Variants in SLC23A1 observed in about 807,000 individuals in gnomAD.
SLC23A1 encodes the protein Na(+)/L-ascorbic acid transporter 1.
In SLC23A1, 31 loss-of-function variants were observed where a neutral mutation model predicts 62.5. The observed-to-expected ratio is 0.50, with a 90% CI of 0.37 to 0.67. The LOEUF (loss-of-function observed/expected upper bound fraction) is 0.67. Ranked by LOEUF, SLC23A1 falls within the 30% of genes least tolerant of loss-of-function variation. The pLI is 0.00. For missense variants in SLC23A1, 640 were observed against 782.7 expected (o/e 0.82, Z 2.18); for synonymous variants, 271 against 313.2 (o/e 0.87, Z 1.42).
At chr5:139,370,470 C>CTTTCTTTA (rs377563397) in intron 14 of SLC23A1, among the ~76,000 whole-genome samples, 2 of 140,200 alleles carry the variant, frequency 1.4e-5, no homozygotes, top group Non-Finnish European at 3.1e-5. Flanking sequence ...CGCACCCAGC[C>CTTTCTTTA]TTTATTTATT....
At chr5:139,376,239 G>C (rs527692754) in intron 13 of SLC23A1, among the ~76,000 whole-genome samples, 2 of 145,692 alleles carry the variant, frequency 1.4e-5, no homozygotes. Flanking sequence ...GCACGATCTC[G>C]GCCCACCGCA....
In SLC23A1 at chr5:139,379,252, G is replaced by T. The variant is rs369048153; in HGVS notation, c.1028C>A (p.Ala343Asp). 2 of 1,614,040 alleles carry T rather than the reference G, an allele frequency of 1.2e-6. No individual in the cohort carries two copies. Among genetic ancestry groups the T allele is most frequent in the Non-Finnish European group, 1.7e-6 (2 of 1,180,010 alleles). Residue 343 changes from alanine (A) to aspartate (D), a missense_variant, in exon 9 of 15, where the codon GCC becomes GAC. By Grantham distance (126) the Ala-to-Asp change is moderately radical. Coordinates refer to ENST00000348729, the MANE Select transcript of SLC23A1 (RefSeq NM_005847.5). The surrounding 1 kb of genome is among the most constrained non-coding windows in gnomAD (Gnocchi z 4.7). Reference protein sequence around the residue: ...IESIGDYYACARLAGAPPPPV... With the variant: ...IESIGDYYACDRLAGAPPPPV... Reference sequence around the variant, plus strand: ...AGGGGGTGGTGCACCAGCCAGGCGGGCACAGGCGTAGTAATCTCCGATGGA... The same window carrying T: ...AGGGGGTGGTGCACCAGCCAGGCGGTCACAGGCGTAGTAATCTCCGATGGA...
At chr5:139,373,906 A>G (rs931991200) in intron 13 of SLC23A1, among the ~76,000 whole-genome samples, 19 of 152,154 alleles carry the variant, frequency 1.2e-4, no homozygotes, top group African/African-American at 3.6e-4. Flanking sequence ...CAAGACACAC[A>G]TGGCAGCCAG....
chr5:139,381,948 G>A lies in SLC23A1; in HGVS notation c.252C>T (p.Gly84=). 1 of 1,587,854 alleles carries A rather than the reference G, an allele frequency of 6.3e-7. No individual in the cohort carries two copies. The highest frequency in any genetic ancestry group is 8.6e-7 in the Non-Finnish European group (1 of 1,167,818). Residue 84 remains glycine, a synonymous_variant, in exon 3 of 15, where the codon GGC becomes GGT. Transcript: ENST00000348729. ...HDQHMVSQLI[G]TIFTCVGITT... is the part of the protein sequence containing the mutation. Reference sequence around the variant, plus strand: ...TGATGCCCACGCACGTGAAGATGGTGCCGATGAGCTGACTAACCATGTGCT... The same window carrying A: ...TGATGCCCACGCACGTGAAGATGGTACCGATGAGCTGACTAACCATGTGCT...
At chr5:139,384,763 T>G, upstream of SLC23A1, 1 of 985,218 alleles carries the variant, frequency 1.0e-6, no homozygotes, top group Non-Finnish European at 1.2e-6. Context: ...CCAGAGCTGA[T>G]GCAGCCTCTC....
chr5:139,381,018 AT>A (rs1258226665), intron 3 of SLC23A1, 132 bp from the exon 4 acceptor site: 4 of 592,850 alleles, frequency 6.7e-6, no homozygotes, highest in Non-Finnish European at 9.2e-6. Context: ...GCAGATGGAA[AT>A]CGTTGAGGCC....
upstream of SLC23A1, chr5:139,383,312 C>T: frequency 6.3e-7 from 1 of 1,597,904 alleles, no homozygotes; most frequent in East Asian, 2.3e-5. Context: ...TGACAAAGGC[C>T]AAGGAGGAGG....
At position 139,378,991 on chromosome 5, in the gene SLC23A1, G is replaced by A. The variant is rs900808011; in HGVS notation, c.1073+216C>T. Reference sequence around the variant, plus strand: ...GGGCACATGGAGGGCTGTCAATGACGGTGGTTCCCTTTGGACTCCACCATC... The same window carrying A: ...GGGCACATGGAGGGCTGTCAATGACAGTGGTTCCCTTTGGACTCCACCATC... On this transcript the variant is annotated intron_variant, in intron 9 of 14. Transcript: ENST00000348729. The surrounding 1 kb of genome is among the most constrained non-coding windows in gnomAD (Gnocchi z 4.5). 6.6e-6 allele frequency among the ~76,000 whole-genome samples: 1 copy of A among 152,146 alleles called. No homozygotes were observed. Among genetic ancestry groups the A allele is most frequent in the Non-Finnish European group, 1.5e-5 (1 of 68,026 alleles).
rs1241400451 is a variant in SLC23A1, at chr5:139,373,272, G to T, written c.1550-1019C>A. ...GGTTCACTGCAACCTCTGCCTCCCA[G>T]ATGCAAGCGATTCTCCTGCCTCAGC... On this transcript the variant is annotated intron_variant, in intron 13 of 14. Coordinates refer to ENST00000348729, the MANE Select transcript of SLC23A1 (RefSeq NM_005847.5). Among the ~76,000 whole-genome samples, 7 of 152,070 alleles carry T rather than the reference G, an allele frequency of 4.6e-5. No homozygotes were observed. The East Asian group carries it at 1.4e-3, about 29-fold the overall frequency.
chr5:139,380,734 G>T, intron 4 of SLC23A1, 64 bp downstream of exon 4: 1 of 1,457,984 alleles, frequency 6.9e-7, no homozygotes, highest in Non-Finnish European at 9.6e-7. Context: ...CGGGACAGTT[G>T]CTCAGACCTC....
chr5:139,372,177 C>T lies in SLC23A1; in HGVS notation c.1626G>A (p.Lys542=). 1 of 1,613,636 alleles carries T rather than the reference C, an allele frequency of 6.2e-7. No homozygotes were observed. Residue 542 remains lysine, a synonymous_variant, in exon 14 of 15, where the codon AAG becomes AAA. Transcript: ENST00000348729. The part of the protein sequence containing the change: ...HANSDMSSSL[K]SYDFPIGMGI... ...CCATCCCAATGGGGAAATCGTAGCT[C>T]TTGAGGCTGGAAGACATGTCACTGT...
Position 139,380,193 on chromosome 5 carries a change from C to T in SLC23A1, c.647+15G>A, listed in dbSNP as rs754816362. 1 of 1,556,086 alleles carries T rather than the reference C, an allele frequency of 6.4e-7. No homozygotes were observed. The stretch of plus-strand genomic sequence containing the variant: ...TGCTGGGGCTGGGCAGGGATCAGGC[C>T]TGGTGCCTGCTCACCAAGCTGAGAT... On this transcript the variant is annotated intron_variant, in intron 6 of 14. Transcript: ENST00000348729.
chr5:139,383,262 C>T lies in SLC23A1; in HGVS notation c.-9G>A. The T allele has an allele frequency of 2.7e-6, 4 of 1,498,810 alleles. No homozygotes were observed. The highest frequency in any genetic ancestry group is 6.0e-5 in the East Asian group (2 of 33,426). The allele number at this position is 1,498,810 out of a possible 1,614,324, so 92.8% of individuals were successfully genotyped here. On this transcript the variant is annotated 5_prime_UTR_variant, in exon 1 of 15. Coordinates refer to ENST00000348729, the MANE Select transcript of SLC23A1 (RefSeq NM_005847.5). Reference sequence around the variant, plus strand: ...TCCTCCTGGGCCCTCATCTTTGGGGCACAGGTTTGAGCAGTTCCTGAGGAG... The same window carrying T: ...TCCTCCTGGGCCCTCATCTTTGGGGTACAGGTTTGAGCAGTTCCTGAGGAG...
chr5:139,372,328 A>C, intron 13 of SLC23A1, 75 bp from the exon 14 acceptor site: 2 of 1,362,716 alleles, frequency 1.5e-6, no homozygotes, highest in Non-Finnish European at 2.0e-6. Flanking sequence ...ACCCAGTCCT[A>C]AGGCAGACTT....
chr5:139,378,155 C>A lies in SLC23A1; in HGVS notation c.1310-37G>T, dbSNP rs1235430185. ...AGAGAACGGCTGGAGGCGCCGCACA[C>A]GCGTAATCCAGGTGAGTCCCACTCG... On this transcript the variant is annotated intron_variant, in intron 11 of 14. Transcript: ENST00000348729. The surrounding 1 kb of genome is among the most constrained non-coding windows in gnomAD (Gnocchi z 4.5). 1.2e-6 allele frequency: 2 copies of A among 1,613,732 alleles called. No individual in the cohort carries two copies. The highest frequency in any genetic ancestry group is 3.3e-5 in the Admixed American group (2 of 59,968).
At position 139,378,109 on chromosome 5, in the gene SLC23A1, G is replaced by A; in HGVS notation, c.1319C>T (p.Thr440Ile). 1 of 1,614,218 alleles carries A rather than the reference G, an allele frequency of 6.2e-7. No homozygotes were observed. The highest frequency in any genetic ancestry group is 8.5e-7 in the Non-Finnish European group (1 of 1,180,036). Reference sequence around the variant, plus strand: ...TTGCAGGTTGGACAGCCCCACAGCTGTAATCATGCCTAAGGGCGCAAGAGA... The same window carrying A: ...TTGCAGGTTGGACAGCCCCACAGCTATAATCATGCCTAAGGGCGCAAGAGA... The part of the protein sequence containing the change: ...GMFCTLFGMI[T>I]AVGLSNLQFV... Residue 440 changes from threonine (T) to isoleucine (I), a missense_variant, in exon 12 of 15, where the codon ACA becomes ATA. By Grantham distance (89) the Thr-to-Ile change is moderately conservative (BLOSUM62 -1). Transcript: ENST00000348729. The surrounding 1 kb of genome is among the most constrained non-coding windows in gnomAD (Gnocchi z 4.5).
upstream of SLC23A1, chr5:139,383,424 C>T: frequency 7.4e-7 from 1 of 1,350,244 alleles, no homozygotes; most frequent in Non-Finnish European, 9.5e-7. Context: ...TGTATTAACT[C>T]TCACTAGGAC....
At position 139,372,192 on chromosome 5, in the gene SLC23A1, C is replaced by G. The variant is rs750279099; in HGVS notation, c.1611G>C (p.Met537Ile). Residue 537 changes from methionine to isoleucine, a missense_variant, in exon 14 of 15, where the codon ATG (methionine) becomes ATC (isoleucine). Transcript: ENST00000348729. ...WKAGAHANSD[M>I]SSSLKSYDFP... ...AATCGTAGCTCTTGAGGCTGGAAGA[C>G]ATGTCACTGTTGGCATGAGCCCCAG... The G allele has an allele frequency of 1.2e-6, 2 of 1,613,456 alleles. No homozygotes were observed. The highest frequency in any genetic ancestry group is 2.2e-5 in the South Asian group (2 of 91,068).
At chr5:139,374,217 A>T (rs1420290447) in intron 13 of SLC23A1, among the ~76,000 whole-genome samples, 1 of 152,234 alleles carries the variant, frequency 6.6e-6, no homozygotes, top group Non-Finnish European at 1.5e-5. Context: ...GCATGTGCTG[A>T]ACTAAACGGA....
Sources: allele counts gnomAD v4.1 joint callset (sites outside exome capture counted in the v4.1 genomes callset), GRCh38; gene constraint gnomAD v4.1.1; non-coding constraint Gnocchi (gnomAD v3.1); transcripts MANE v1.5; gene names NCBI Gene and HGNC (gene_info 2026-07-23, HGNC 2026-07-21).